Variants in FRMD4B observed in about 807,000 individuals in gnomAD.
The protein encoded by FRMD4B is FERM domain containing 4B, also known as FERM domain-containing protein 4B.
A neutral mutation model predicts 141.5 loss-of-function variants in FRMD4B; 74 were observed. The ratio of observed to expected loss-of-function variants is 0.52; its 90% CI spans 0.43 to 0.63. The LOEUF is 0.63. FRMD4B is among the 30% of genes least tolerant of loss of function. The pLI, the probability that FRMD4B is intolerant of heterozygous loss-of-function variation, is 0.00. For synonymous variants in FRMD4B, 506 were observed against 467.9 expected (o/e 1.08, Z -1.05); for missense variants, 1,366 against 1,253.4 (o/e 1.09, Z -1.36).
intron 1 of FRMD4B, among the ~76,000 whole-genome samples, chr3:69,454,569 C>T (rs1705555988): frequency 6.6e-6 from 1 of 152,216 alleles, no homozygotes; most frequent in African/African-American, 2.4e-5. Context: ...CAGTGAGGGG[C>T]TTAGCACCCA....
At chr3:69,202,477 CT>C (rs1432406848) in intron 11 of FRMD4B, among the ~76,000 whole-genome samples, 20 of 127,424 alleles carry the variant, frequency 1.6e-4, no homozygotes, top group Admixed American at 4.9e-4. Flanking sequence ...CTATTAGAGA[CT>C]TAAAAAAAAA....
intron 1 of FRMD4B, among the ~76,000 whole-genome samples, chr3:69,363,326 C>T (rs1291706019): frequency 6.7e-6 from 1 of 148,500 alleles, no homozygotes; most frequent in Non-Finnish European, 1.5e-5. Context: ...CTCAAGTGAT[C>T]CTCCCATCTT....
At chr3:69,538,329 T>C (rs1185522212) in intron 1 of FRMD4B, among the ~76,000 whole-genome samples, 1 of 152,216 alleles carries the variant, frequency 6.6e-6, no homozygotes, top group Non-Finnish European at 1.5e-5. Flanking sequence ...TATATATGCA[T>C]ATACATAATA....
At chr3:69,222,924 A>G (rs1300041569) in intron 8 of FRMD4B, among the ~76,000 whole-genome samples, 1 of 152,248 alleles carries the variant, frequency 6.6e-6, no homozygotes, top group East Asian at 1.9e-4. Flanking sequence ...TTTTGAGCCT[A>G]AGGCCTATCC....
chr3:69,297,529 C>T (rs9863228), intron 4 of FRMD4B, among the ~76,000 whole-genome samples: 85,335 of 151,884 alleles, frequency 0.56, 24,060 homozygotes, highest in Non-Finnish European at 0.58. Flanking sequence ...TGAAAGATGC[C>T]AAGATTCTGG....
At chr3:69,314,721 G>C (rs1262241631) in intron 1 of FRMD4B, among the ~76,000 whole-genome samples, 1 of 152,034 alleles carries the variant, frequency 6.6e-6, no homozygotes, top group African/African-American at 2.4e-5. Flanking sequence ...TGTAGTTCCA[G>C]CTACTCTGGA....
chr3:69,249,522 A>C (rs115889216), intron 6 of FRMD4B, among the ~76,000 whole-genome samples: 3,185 of 152,342 alleles, frequency 0.021, 108 homozygotes, highest in African/African-American at 0.072. Context: ...TTAAGATCAC[A>C]TGATAAATGC....
rs553642828 is a variant in FRMD4B at position 69,533,742 on chromosome 3, C to G, written c.-129+8464G>C. On this transcript the variant is annotated intron_variant, in intron 1 of 5. Coordinates refer to the FRMD4B transcript ENST00000459638. ...TCTCCACCTGCTGCTGCAAATCTTT[C>G]AGGCCCAAGCGCAGTACCATCCCAT... 1.4e-4 allele frequency among the ~76,000 whole-genome samples: 22 copies of G among 152,270 alleles called. No individual in the cohort carries two copies. The South Asian group carries it at 4.4e-3, about 30-fold the overall frequency.
intron 1 of FRMD4B, among the ~76,000 whole-genome samples, chr3:69,381,489 A>AT (rs759795089): frequency 3.3e-5 from 5 of 152,326 alleles, no homozygotes; most frequent in Admixed American, 6.5e-5. Context: ...AAACAAGACT[A>AT]TTCAGACTAG....
At chr3:69,525,649 C>CT (rs960806296) in intron 1 of FRMD4B, among the ~76,000 whole-genome samples, 3 of 151,540 alleles carry the variant, frequency 2.0e-5, no homozygotes, top group African/African-American at 4.8e-5. Flanking sequence ...TGTCTCTAAT[C>CT]TTTTTTTTTC....
At chr3:69,264,371 T>C (rs1331566172) in intron 5 of FRMD4B, among the ~76,000 whole-genome samples, 3 of 152,204 alleles carry the variant, frequency 2.0e-5, no homozygotes, top group African/African-American at 7.2e-5. Flanking sequence ...TCAGTATTTG[T>C]AGAATAGCAA....
chr3:69,195,071 C>T lies in FRMD4B; in HGVS notation c.1439G>A (p.Arg480His), dbSNP rs199934222. Reference protein sequence around the residue: ...IGEKPPQVRRRVGTAFKLDDN... With the variant: ...IGEKPPQVRRHVGTAFKLDDN... ...ATCTAATTTGAACGCAGTACCCACA[C>T]GTCTTCTGACCTGAGGAGGCTTCTC... Residue 480 changes from arginine to histidine, a missense_variant, in exon 16 of 23, where the codon CGT becomes CAT. Physicochemically the swap from Arg to His is conservative, Grantham distance 29. Transcript: ENST00000398540. 482 of 1,613,648 alleles carry T rather than the reference C, an allele frequency of 3.0e-4. No individual in the cohort carries two copies. Among genetic ancestry groups the T allele is most frequent in the Non-Finnish European group, 3.9e-4 (456 of 1,179,648 alleles).
chr3:69,450,646 C>T (rs190155341), intron 1 of FRMD4B, among the ~76,000 whole-genome samples: 398 of 152,114 alleles, frequency 2.6e-3, no homozygotes, highest in Admixed American at 8.4e-3. Flanking sequence ...CCCAGTTACT[C>T]GGGAGGCTGA....
At chr3:69,204,249 C>T (rs757961026) in intron 11 of FRMD4B, among the ~76,000 whole-genome samples, 1 of 152,144 alleles carries the variant, frequency 6.6e-6, no homozygotes, top group Non-Finnish European at 1.5e-5. Context: ...GCATGAAAGA[C>T]CCAGGGAAAG....
At chr3:69,396,621 T>C (rs749626277) in intron 2 of FRMD4B, among the ~76,000 whole-genome samples, 1 of 152,120 alleles carries the variant, frequency 6.6e-6, no homozygotes, top group Non-Finnish European at 1.5e-5. Flanking sequence ...ATTGAAGAAA[T>C]GCAAATCAAA....
intron 1 of FRMD4B, among the ~76,000 whole-genome samples, chr3:69,374,725 G>C (rs1575773933): frequency 2.6e-5 from 4 of 152,168 alleles, no homozygotes; most frequent in South Asian, 4.1e-4. Flanking sequence ...CCAGACAGTA[G>C]CATTAAGAGG....
intron 3 of FRMD4B, among the ~76,000 whole-genome samples, chr3:69,307,049 C>T (rs993585599): frequency 5.3e-5 from 8 of 152,094 alleles, no homozygotes; most frequent in East Asian, 3.9e-4. Context: ...TCAACAGCCC[C>T]GCTCATACTT....
At chr3:69,481,667 A>C (rs1424640395) in intron 1 of FRMD4B, among the ~76,000 whole-genome samples, 2 of 152,128 alleles carry the variant, frequency 1.3e-5, no homozygotes, top group Non-Finnish European at 2.9e-5. Flanking sequence ...TTTTCCTATA[A>C]GGAGGAAAAC....
chr3:69,495,598 A>C (rs1706369948), intron 1 of FRMD4B, among the ~76,000 whole-genome samples: 1 of 152,216 alleles, frequency 6.6e-6, no homozygotes, highest in Non-Finnish European at 1.5e-5. Context: ...CTGGGTTTGA[A>C]TCCCACCTCT....
Sources: allele counts gnomAD v4.1 joint callset (sites outside exome capture counted in the v4.1 genomes callset), GRCh38; gene constraint gnomAD v4.1.1; transcripts MANE v1.5; gene names NCBI Gene and HGNC (gene_info 2026-07-23, HGNC 2026-07-21).